Variants in PRPF40B observed in about 807,000 individuals in gnomAD.
PRPF40B encodes pre-mRNA processing factor 40B, also known as pre-mRNA-processing factor 40 homolog B.
Under a neutral mutation model 124.5 loss-of-function variants are expected in PRPF40B, and 56 were observed. The observed-to-expected ratio is 0.45, with a 90% confidence interval of 0.36 to 0.56. The LOEUF (loss-of-function observed/expected upper bound fraction) is 0.56. Ranked by LOEUF, PRPF40B falls within the 20% of genes least tolerant of loss-of-function variation. The probability of loss-of-function intolerance (pLI) is 0.00; values close to 1 mark genes in which losing one functional copy is unlikely to be tolerated. For synonymous variants in PRPF40B, 443 were observed against 426.4 expected (o/e 1.04, Z -0.48); for missense variants, 1,053 against 1,169.5 (o/e 0.90, Z 1.45).
At chr12:49,629,576 T>C (rs1382701554) in intron 1 of PRPF40B, among the ~76,000 whole-genome samples, 1 of 152,238 alleles carries the variant, frequency 6.6e-6, no homozygotes, top group Non-Finnish European at 1.5e-5. Context: ...TGCTGGTAGG[T>C]ACCAGGAATA....
At chr12:49,641,828 T>C (rs1257988905) in intron 18 of PRPF40B, 80 bp from the exon 19 acceptor site, 33 of 1,189,262 alleles carry the variant, frequency 2.8e-5, no homozygotes, top group Non-Finnish European at 3.7e-5. Flanking sequence ...TTCTTGACCA[T>C]CTGTAATGTG....
In PRPF40B at chr12:49,644,209, C is replaced by T; in HGVS notation, c.*17C>T. On this transcript the variant is annotated 3_prime_UTR_variant, in exon 26 of 26. Transcript: ENST00000548825. ...CACCAGTGACCCAATGAGCTGTTCT[C>T]TGCCTCGGGTCTGTGTGAGGCCATG... 6.2e-7 allele frequency: 1 copy of T among 1,613,836 alleles called. No individual in the cohort carries two copies. Among genetic ancestry groups the T allele is most frequent in the Non-Finnish European group, 8.5e-7 (1 of 1,179,894 alleles).
In PRPF40B at chr12:49,635,308, C is replaced by T; in HGVS notation, c.1166+45C>T. On this transcript the variant is annotated intron_variant, in intron 13 of 25. Coordinates refer to ENST00000548825, the MANE Select transcript of PRPF40B (RefSeq NM_001031698.3). This position sits in a 1 kb window ranked among gnomAD's most constrained non-coding sequence, Gnocchi z 4.1. ...CTGGGACTTGGGAACCCTGAGAACA[C>T]AAAGGTCCAGGGTCTCTGTTCTCTG... 1 of 1,608,906 alleles carries T rather than the reference C, an allele frequency of 6.2e-7. No individual in the cohort carries two copies. The highest frequency in any genetic ancestry group is 8.5e-7 in the Non-Finnish European group (1 of 1,177,338).
In PRPF40B at chr12:49,643,268, C is replaced by A. The variant is rs775966493; in HGVS notation, c.2251C>A (p.Pro751Thr). The A allele has an allele frequency of 1.9e-6, 3 of 1,614,036 alleles. No homozygotes were observed. Among genetic ancestry groups the A allele is most frequent in the Non-Finnish European group, 2.5e-6 (3 of 1,180,000 alleles). The change falls in exon 23 of 26, where the codon CCC (proline) becomes ACC (threonine). Residue 751 changes from proline to threonine, a missense_variant. This residue lies in a region of PRPF40B where 895 missense variants were observed against 1,052.2 expected (regional missense o/e 0.85). Transcript: ENST00000548825. ...GGAGCTGCCCCCACCATCTCTCCGG[C>A]CCCCCAAGCGGAGGAGGCGGAACCC... ...EEELPPPSLR[P>T]PKRRRRNPSE...
chr12:49,627,758 A>C (rs1318842444), intron 1 of PRPF40B, among the ~76,000 whole-genome samples: 1 of 152,132 alleles, frequency 6.6e-6, no homozygotes, highest in African/African-American at 2.4e-5. Flanking sequence ...ATTGGAGTGG[A>C]TGTGGGGAAA....
At chr12:49,643,106 G>A in intron 22 of PRPF40B, 90 bp downstream of exon 22, 1 of 1,587,788 alleles carries the variant, frequency 6.3e-7, no homozygotes, top group Non-Finnish European at 8.6e-7. Flanking sequence ...ATCTCCCTTG[G>A]AGGGAAGTTT....
chr12:49,633,599 G>GC lies in PRPF40B; in HGVS notation c.581-34dup, dbSNP rs776245938. 7 of 1,614,082 alleles carry GC rather than the reference G, an allele frequency of 4.3e-6. No individual in the cohort carries two copies. The East Asian group carries it at 1.1e-4, about 26-fold the overall frequency. ...TCAGGAGCTCTGGGGGCTCCCTATT[G>GC]CCCCTGTGACTGACTGTGTTATCTT... On this transcript the variant is annotated intron_variant, in intron 8 of 25. Transcript: ENST00000548825.
At chr12:49,637,081 G>C (rs1242941550) in intron 16 of PRPF40B, 3 of 647,352 alleles carry the variant, frequency 4.6e-6, no homozygotes, top group East Asian at 5.6e-5. Flanking sequence ...ACTGCCAGTA[G>C]AGAGCACCCT....
At chr12:49,634,966 GTGT>G in intron 12 of PRPF40B, 130 bp from the exon 13 acceptor site, 1 of 918,496 alleles carries the variant, frequency 1.1e-6, no homozygotes. Context: ...TCCATGAATG[GTGT>G]TCAGATCCCA....
In PRPF40B at chr12:49,634,339, C is replaced by T; in HGVS notation, c.820C>T (p.Gln274Ter). 1 of 1,614,214 alleles carries T rather than the reference C, an allele frequency of 6.2e-7. No homozygotes were observed. The highest frequency in any genetic ancestry group is 8.5e-7 in the Non-Finnish European group (1 of 1,180,026). Residue 274 changes from glutamine to a stop codon, truncating the protein, a stop_gained, in exon 11 of 26, where the codon CAG becomes TAG. Coordinates refer to ENST00000548825, the MANE Select transcript of PRPF40B (RefSeq NM_001031698.3). LOFTEE classifies it high-confidence loss of function. ...QLEEGPSSSG[Q>*]HQPQQEEEES... Reference sequence around the variant, plus strand: ...GTCCCCTGTGCCCTCCAGTTCTGGACAGCATCAGCCACAGCAGGAGGAGGA... The same window carrying T: ...GTCCCCTGTGCCCTCCAGTTCTGGATAGCATCAGCCACAGCAGGAGGAGGA...
In PRPF40B at chr12:49,642,345, T is replaced by A. The variant is rs1414743881; in HGVS notation, c.1995T>A (p.Ala665=). 9 of 1,613,946 alleles carry A rather than the reference T, an allele frequency of 5.6e-6. No individual in the cohort carries two copies. The highest frequency in any genetic ancestry group is 1.3e-5 in the African/African-American group (1 of 75,048). ...FRSMLRQAVP[A]LELGTAWEEV... ...GCATGCTGAGGCAGGCTGTGCCTGCTCTGGAGCTAGGCACTGCCTGGGAAG... is the reference window on the plus strand; with the variant it reads ...GCATGCTGAGGCAGGCTGTGCCTGCACTGGAGCTAGGCACTGCCTGGGAAG... Residue 665 remains alanine, a synonymous_variant, in exon 20 of 26, where the codon GCT becomes GCA. Coordinates refer to ENST00000548825, the MANE Select transcript of PRPF40B (RefSeq NM_001031698.3). This position sits in a 1 kb window ranked among gnomAD's most constrained non-coding sequence, Gnocchi z 5.8.
intron 1 of PRPF40B, among the ~76,000 whole-genome samples, chr12:49,626,807 T>C (rs1427637965): frequency 2.0e-5 from 3 of 152,002 alleles, no homozygotes; most frequent in Non-Finnish European, 4.4e-5. Flanking sequence ...TTTCATGTGG[T>C]AGGAGCTTTG....
At chr12:49,632,392 C>A in intron 4 of PRPF40B, 1 of 624,354 alleles carries the variant, frequency 1.6e-6, no homozygotes, top group Admixed American at 2.8e-5. Context: ...TTGAGGAGAA[C>A]GAAGAATGGA....
chr12:49,635,262 C>G lies in PRPF40B; in HGVS notation c.1165C>G (p.Arg389Gly), dbSNP rs781278822. 1 of 1,612,514 alleles carries G rather than the reference C, an allele frequency of 6.2e-7. No homozygotes were observed. Residue 389 changes from arginine to glycine, a missense_variant and splice_region_variant, in exon 13 of 26, where the codon CGG becomes GGG. By Grantham distance (125) the Arg-to-Gly change is moderately radical. This residue lies in a region of PRPF40B where 895 missense variants were observed against 1,052.2 expected (regional missense o/e 0.85). Coordinates refer to ENST00000548825, the MANE Select transcript of PRPF40B (RefSeq NM_001031698.3). This position sits in a 1 kb window ranked among gnomAD's most constrained non-coding sequence, Gnocchi z 4.1. ...HERMTSTTRY[R>G]RAEQTFGELE... Reference sequence around the variant, plus strand: ...ACGCATGACCTCCACCACCCGCTACCGGTCAGGGGGCCAGGCTGGGCTGGG... The same window carrying G: ...ACGCATGACCTCCACCACCCGCTACGGGTCAGGGGGCCAGGCTGGGCTGGG...
chr12:49,627,902 T>G (rs1940868977), intron 1 of PRPF40B, among the ~76,000 whole-genome samples: 1 of 152,132 alleles, frequency 6.6e-6, no homozygotes. Context: ...ACTTGGTGAT[T>G]TATTGGCAAG....
intron 7 of PRPF40B, 107 bp from the exon 8 acceptor site, chr12:49,633,320 G>A (rs1941423130): frequency 6.7e-7 from 1 of 1,482,538 alleles, no homozygotes; most frequent in Non-Finnish European, 9.2e-7. Context: ...AGGCCAGGTG[G>A]TAGCTAAAGG....
chr12:49,623,983 A>C, intron 1 of PRPF40B: 1 of 1,041,836 alleles, frequency 9.6e-7, no homozygotes, highest in Non-Finnish European at 1.2e-6. Context: ...GGTGTGCGAC[A>C]TGCCCTTCCC....
intron 17 of PRPF40B, 40 bp downstream of exon 17, chr12:49,637,624 T>G (rs747626044): frequency 5.7e-6 from 9 of 1,588,440 alleles, no homozygotes; most frequent in Non-Finnish European, 7.8e-6. Context: ...CCTGGCTTCC[T>G]GCCCTGCCAG....
intron 16 of PRPF40B, 125 bp from the exon 17 acceptor site, chr12:49,637,345 C>G: frequency 1.5e-6 from 1 of 657,412 alleles, no homozygotes; most frequent in Non-Finnish European, 2.7e-6. Context: ...CTCTGCCTCT[C>G]TTGCCTGCAT....
Sources: gnomAD v4.1 joint callset for allele counts (sites outside exome capture counted in the v4.1 genomes callset) on GRCh38, gnomAD v4.1.1 for gene constraint, gnomAD v4.1.1 regional missense constraint, Gnocchi (gnomAD v3.1) non-coding constraint, MANE v1.5 for transcripts, NCBI Gene and HGNC (gene_info 2026-07-23, HGNC 2026-07-21) for gene names.